CTNNA3: variants seen among roughly 807,000 people sequenced by gnomAD.
The protein encoded by CTNNA3 is catenin alpha-3.
A neutral mutation model predicts 95.7 loss-of-function variants in CTNNA3; 76 were observed. The ratio of observed to expected loss-of-function variants is 0.79; its 90% CI spans 0.66 to 0.96. CTNNA3 has a LOEUF of 0.96. Among genes scored for constraint, CTNNA3 ranks in the 40% least tolerant of loss-of-function variants. CTNNA3 has a pLI of 0.00. For missense variants in CTNNA3, 1,191 were observed against 1,089.8 expected (o/e 1.09, Z -1.31); for synonymous variants, 431 against 374.4 (o/e 1.15, Z -1.74).
rs540733814 is a variant in CTNNA3, at chr10:67,239,870, G to C, written c.580-20000C>G. Among the ~76,000 whole-genome samples, 3 of 151,464 alleles carry C rather than the reference G, an allele frequency of 2.0e-5. No individual in the cohort carries two copies. In the East Asian group the frequency reaches 5.8e-4, roughly 29 times the overall value. On this transcript the variant is annotated intron_variant, in intron 5 of 17. Coordinates refer to ENST00000433211, the MANE Select transcript of CTNNA3 (RefSeq NM_013266.4). Reference sequence around the variant, plus strand: ...TTTGAGGGCTCATATTTTTAAAAAAGAAAAAAAAGTCTGAAATATAAAAAT... The same window carrying C: ...TTTGAGGGCTCATATTTTTAAAAAACAAAAAAAAGTCTGAAATATAAAAAT...
At chr10:67,310,784 C>T (rs1380275216) in intron 5 of CTNNA3, among the ~76,000 whole-genome samples, 1 of 152,096 alleles carries the variant, frequency 6.6e-6, no homozygotes, top group Non-Finnish European at 1.5e-5. Context: ...AGGGTAACTG[C>T]CCCCATGATT....
At chr10:66,158,528 C>A (rs544965354) in intron 13 of CTNNA3, among the ~76,000 whole-genome samples, 3 of 152,126 alleles carry the variant, frequency 2.0e-5, no homozygotes, top group South Asian at 2.1e-4. Context: ...TGTACTAGTA[C>A]CATGCTGTTT....
chr10:66,879,981 G>A (rs1844781962), intron 7 of CTNNA3, among the ~76,000 whole-genome samples: 1 of 152,204 alleles, frequency 6.6e-6, no homozygotes, highest in South Asian at 2.1e-4. Flanking sequence ...GAAGGTTGAA[G>A]ATGTTGCAGC....
chr10:67,304,928 AG>A (rs1267512869), intron 5 of CTNNA3, among the ~76,000 whole-genome samples: 3 of 152,010 alleles, frequency 2.0e-5, no homozygotes, highest in Non-Finnish European at 2.9e-5. Context: ...ATAAGGGAAG[AG>A]GAGGAGGTAC....
chr10:66,894,830 G>A (rs1301748413), intron 7 of CTNNA3, among the ~76,000 whole-genome samples: 1 of 151,744 alleles, frequency 6.6e-6, no homozygotes, highest in South Asian at 2.1e-4. Context: ...CCAATTAGCT[G>A]TGGCACCAAA....
Position 66,621,718 on chromosome 10 carries a change from T to C in CTNNA3, c.1348A>G (p.Asn450Asp), listed in dbSNP as rs767280342. 5.0e-6 allele frequency: 8 copies of C among 1,611,594 alleles called. No individual in the cohort carries two copies. In the Admixed American group the frequency reaches 1.3e-4, roughly 27 times the overall value. Residue 450 changes from asparagine (N) to aspartate (D), a missense_variant, in exon 10 of 18, where the codon AAT (asparagine) becomes GAT (aspartate). Coordinates refer to ENST00000433211, the MANE Select transcript of CTNNA3 (RefSeq NM_013266.4). The stretch of plus-strand genomic sequence containing the variant: ...TGTGGACACAAGGTTTCCAAATGAT[T>C]GGCTGCAATTTTGACAATTTTAATT... ...DGIKIVKIAA[N>D]HLETLCPQII... is the part of the protein sequence containing the mutation.
chr10:66,736,413 G>A (rs1346420851), intron 9 of CTNNA3, among the ~76,000 whole-genome samples: 2 of 150,960 alleles, frequency 1.3e-5, no homozygotes, highest in African/African-American at 2.4e-5. Flanking sequence ...GGCTGGTCTC[G>A]AACTCCTGAG....
At chr10:66,534,369 T>G (rs188047390) in intron 10 of CTNNA3, among the ~76,000 whole-genome samples, 34 of 152,002 alleles carry the variant, frequency 2.2e-4, no homozygotes, top group Middle Eastern at 3.4e-3. Flanking sequence ...ATTACCAGTA[T>G]AGGTGGTAGA....
intron 11 of CTNNA3, among the ~76,000 whole-genome samples, chr10:66,477,899 A>G (rs1187372964): frequency 6.6e-6 from 1 of 152,096 alleles, no homozygotes; most frequent in South Asian, 2.1e-4. Context: ...AATACTTCTC[A>G]TATCTTGCCT....
intron 11 of CTNNA3, among the ~76,000 whole-genome samples, chr10:66,427,110 T>C (rs1220672966): frequency 6.6e-6 from 1 of 151,932 alleles, no homozygotes; most frequent in African/African-American, 2.4e-5. Flanking sequence ...ATCAAGGACT[T>C]CCAGTTTTAA....
intron 12 of CTNNA3, among the ~76,000 whole-genome samples, chr10:66,300,065 T>TG (rs2091839222): frequency 6.6e-6 from 1 of 151,866 alleles, no homozygotes. Context: ...GCTAATTTTT[T>TG]ATATTTTTAG....
chr10:66,599,646 G>A (rs530978094), intron 10 of CTNNA3, among the ~76,000 whole-genome samples: 3 of 151,564 alleles, frequency 2.0e-5, no homozygotes, highest in South Asian at 4.2e-4. Flanking sequence ...TTTTAATTGG[G>A]TGGGAATGAG....
Position 66,875,904 on chromosome 10 carries a change from T to C in CTNNA3, c.1048-100380A>G, listed in dbSNP as rs77631317. 3.7e-3 allele frequency among the ~76,000 whole-genome samples: 560 copies of C among 152,248 alleles called. 1 individual carries two copies. The highest frequency in any genetic ancestry group is 5.6e-3 in the Non-Finnish European group (381 of 68,030). On this transcript the variant is annotated intron_variant, in intron 7 of 17. Transcript: ENST00000433211. ...TTCAGAGTTTTATGTACAGTATAAATGCTTAGCTGTTTTTCAGTGTCAGGT... is the reference window on the plus strand; with the variant it reads ...TTCAGAGTTTTATGTACAGTATAAACGCTTAGCTGTTTTTCAGTGTCAGGT...
At chr10:66,184,447 T>G (rs2131865156) in intron 13 of CTNNA3, among the ~76,000 whole-genome samples, 1 of 152,332 alleles carries the variant, frequency 6.6e-6, no homozygotes, top group African/African-American at 2.4e-5. Context: ...AACCTAAAAA[T>G]GTTAAATAAT....
At chr10:66,272,953 A>T (rs1279290517) in intron 13 of CTNNA3, among the ~76,000 whole-genome samples, 1 of 152,162 alleles carries the variant, frequency 6.6e-6, no homozygotes, top group Non-Finnish European at 1.5e-5. Context: ...TTCCATCTTA[A>T]CTAAGCACTT....
chr10:67,473,899 G>A (rs1847918259), intron 5 of CTNNA3, among the ~76,000 whole-genome samples: 2 of 152,066 alleles, frequency 1.3e-5, no homozygotes, highest in Admixed American at 1.3e-4. Context: ...ATTATTCTGA[G>A]CCTTGACAGG....
intron 12 of CTNNA3, among the ~76,000 whole-genome samples, chr10:66,329,561 C>T (rs2092299448): frequency 8.5e-6 from 1 of 118,032 alleles, no homozygotes; most frequent in African/African-American, 3.1e-5. Context: ...AACCCTAGGG[C>T]TTGAACATGT....
chr10:66,390,886 T>C (rs2092928626), intron 11 of CTNNA3, among the ~76,000 whole-genome samples: 1 of 152,126 alleles, frequency 6.6e-6, no homozygotes. Flanking sequence ...CCCTTCTTCC[T>C]CTTTACCTCC....
At chr10:67,260,613 G>C (rs1377328200) in intron 5 of CTNNA3, among the ~76,000 whole-genome samples, 2 of 152,074 alleles carry the variant, frequency 1.3e-5, no homozygotes, top group East Asian at 3.8e-4. Flanking sequence ...TGAAATGCAA[G>C]CATTGCAGGT....
Sources: gnomAD v4.1 joint callset for allele counts (sites outside exome capture counted in the v4.1 genomes callset) on GRCh38, gnomAD v4.1.1 for gene constraint, MANE v1.5 for transcripts, NCBI Gene and HGNC (gene_info 2026-07-23, HGNC 2026-07-21) for gene names.